Variants in THSD7B observed in about 807,000 individuals in gnomAD.
THSD7B encodes thrombospondin type-1 domain-containing protein 7B.
THSD7B carries 138 observed loss-of-function variants against 213.6 expected under a neutral mutation model. The ratio of observed to expected loss-of-function variants is 0.65; its 90% CI spans 0.56 to 0.74. THSD7B has a LOEUF of 0.74. THSD7B is among the 30% of genes least tolerant of loss of function. The pLI, the probability that THSD7B is intolerant of heterozygous loss-of-function variation, is 0.00. For synonymous variants in THSD7B, 742 were observed against 687.0 expected, an observed-to-expected ratio of 1.08 and a Z score of -1.25; for missense variants, 1,931 against 1,991.5, an observed-to-expected ratio of 0.97 and a Z score of 0.58.
At position 137,263,004 on chromosome 2, in the gene THSD7B, T is replaced by C. The variant is rs1196561325; in HGVS notation, c.2267-9529T>C. 2.0e-5 allele frequency among the ~76,000 whole-genome samples: 3 copies of C among 152,208 alleles called. No homozygotes were observed. In the East Asian group the frequency reaches 5.8e-4, roughly 29 times the overall value. ...AGACTCAAAGTGGGTCACTATTTGATAAGGTTAGCTCTCTCTAAATTGGGG... is the reference window on the plus strand; with the variant it reads ...AGACTCAAAGTGGGTCACTATTTGACAAGGTTAGCTCTCTCTAAATTGGGG... On this transcript the variant is annotated intron_variant, in intron 10 of 27. Transcript: ENST00000409968.
At chr2:137,368,273 A>AC (rs1199221516) in intron 12 of THSD7B, among the ~76,000 whole-genome samples, 1 of 152,038 alleles carries the variant, frequency 6.6e-6, no homozygotes, top group African/African-American at 2.4e-5. Flanking sequence ...ACAAAAAAAA[A>AC]ATTTATAGAA....
rs745791689 is a variant in THSD7B at position 137,655,518 on chromosome 2, A to G, written c.3963A>G (p.Glu1321=). ...ACKLEGGDCG[E]GVQIRSLSCM... ...TCTCATAGGGTGGAGACTGTGGGGAAGGAGTTCAGATCCGCAGCCTTTCCT... is the reference window on the plus strand; with the variant it reads ...TCTCATAGGGTGGAGACTGTGGGGAGGGAGTTCAGATCCGCAGCCTTTCCT... Residue 1321 remains glutamate (E), a synonymous_variant, in exon 22 of 28, where the codon GAA becomes GAG. Coordinates refer to ENST00000409968, the MANE Select transcript of THSD7B (RefSeq NM_001316349.2). The G allele has an allele frequency of 8.1e-6, 13 of 1,611,908 alleles. No homozygotes were observed. Among genetic ancestry groups the G allele is most frequent in the Non-Finnish European group, 1.7e-6 (2 of 1,179,090 alleles).
chr2:137,612,634 A>G (rs1413495202), intron 17 of THSD7B, among the ~76,000 whole-genome samples: 1 of 152,144 alleles, frequency 6.6e-6, no homozygotes, highest in Admixed American at 6.6e-5. Flanking sequence ...ATTGCAAAAA[A>G]TCCTTGTTTA....
At chr2:136,951,184 T>C (rs1172293639) in intron 2 of THSD7B, among the ~76,000 whole-genome samples, 1 of 152,124 alleles carries the variant, frequency 6.6e-6, no homozygotes, top group Non-Finnish European at 1.5e-5. Flanking sequence ...TACCTTGGGA[T>C]GAAGCATGCA....
At chr2:137,666,448 A>C (rs926877556) in intron 26 of THSD7B, among the ~76,000 whole-genome samples, 6 of 152,138 alleles carry the variant, frequency 3.9e-5, no homozygotes, top group African/African-American at 7.2e-5. Flanking sequence ...TCCTATAAGC[A>C]AAAACTATAA....
At chr2:137,004,906 G>C (rs1037821016) in intron 2 of THSD7B, among the ~76,000 whole-genome samples, 1 of 152,038 alleles carries the variant, frequency 6.6e-6, no homozygotes, top group Non-Finnish European at 1.5e-5. Flanking sequence ...ACTATGAAGA[G>C]GTAAACTATT....
chr2:137,451,793 A>T, intron 15 of THSD7B, among the ~76,000 whole-genome samples: 1 of 152,240 alleles, frequency 6.6e-6, no homozygotes, highest in Middle Eastern at 3.4e-3. Context: ...TCAGTTGACT[A>T]GGTTGAGTAC....
intron 2 of THSD7B, among the ~76,000 whole-genome samples, chr2:136,998,802 A>G (rs1288401057): frequency 6.6e-6 from 1 of 152,080 alleles, no homozygotes; most frequent in African/African-American, 2.4e-5. Flanking sequence ...CAAGAGGCAG[A>G]AACATAAGTT....
intron 2 of THSD7B, among the ~76,000 whole-genome samples, chr2:136,885,198 T>G (rs1683696764): frequency 6.6e-6 from 1 of 152,170 alleles, no homozygotes; most frequent in Admixed American, 6.6e-5. Context: ...CTCTGGGTTT[T>G]GATTGCTGTG....
At chr2:137,668,097 C>G (rs1683486186) in intron 27 of THSD7B, among the ~76,000 whole-genome samples, 1 of 151,800 alleles carries the variant, frequency 6.6e-6, no homozygotes, top group African/African-American at 2.4e-5. Flanking sequence ...AGAACTTTTC[C>G]ATTTGCATGT....
At chr2:136,893,244 G>A (rs376047274) in intron 2 of THSD7B, among the ~76,000 whole-genome samples, 1 of 152,128 alleles carries the variant, frequency 6.6e-6, no homozygotes, top group African/African-American at 2.4e-5. Context: ...AGCTTTTTCA[G>A]ATTAAAACTT....
intron 17 of THSD7B, among the ~76,000 whole-genome samples, chr2:137,605,860 G>A (rs1201319233): frequency 2.0e-5 from 3 of 151,638 alleles, no homozygotes; most frequent in Admixed American, 6.6e-5. Context: ...TAGTAGAGAC[G>A]GGGTTTCACC....
At chr2:136,940,653 A>G (rs545661681) in intron 2 of THSD7B, among the ~76,000 whole-genome samples, 1 of 151,058 alleles carries the variant, frequency 6.6e-6, no homozygotes, top group African/African-American at 2.4e-5. Context: ...TGGCCTCCCA[A>G]AGTGCTGGGA....
At chr2:137,464,036 G>A (rs1687938324) in intron 15 of THSD7B, among the ~76,000 whole-genome samples, 1 of 152,014 alleles carries the variant, frequency 6.6e-6, no homozygotes, top group Non-Finnish European at 1.5e-5. Flanking sequence ...GGCTCCTATG[G>A]TTAGGAGGTT....
At chr2:137,468,649 G>T (rs1052314152) in intron 15 of THSD7B, among the ~76,000 whole-genome samples, 9 of 96,980 alleles carry the variant, frequency 9.3e-5, no homozygotes, top group African/African-American at 3.8e-5. Context: ...GGGTGGGGGC[G>T]GTGGGTAGAA....
At chr2:137,218,394 A>G (rs1279582965) in intron 7 of THSD7B, among the ~76,000 whole-genome samples, 1 of 152,088 alleles carries the variant, frequency 6.6e-6, no homozygotes. Flanking sequence ...ATCTCAGCAT[A>G]TATTTTATTT....
intron 10 of THSD7B, among the ~76,000 whole-genome samples, chr2:137,261,915 C>CAAAAAA (rs369579882): frequency 5.5e-5 from 3 of 54,860 alleles, no homozygotes; most frequent in East Asian, 5.8e-4. Flanking sequence ...GAAAGTTTGT[C>CAAAAAA]AAAAAAAAAA....
chr2:136,805,582 C>T (rs575963439), intron 1 of THSD7B, among the ~76,000 whole-genome samples: 15 of 152,158 alleles, frequency 9.9e-5, no homozygotes, highest in South Asian at 8.3e-4. Flanking sequence ...CCATCCAGTT[C>T]GGTTCTCTCT....
At chr2:137,179,571 GA>G (rs35478628) in intron 7 of THSD7B, among the ~76,000 whole-genome samples, 2,059 of 139,860 alleles carry the variant, frequency 0.015, 39 homozygotes, top group African/African-American at 0.045. Flanking sequence ...ATATAGTGGG[GA>G]AAAAAAAAAA....
Sources: allele counts gnomAD v4.1 joint callset (sites outside exome capture counted in the v4.1 genomes callset), GRCh38; gene constraint gnomAD v4.1.1; transcripts MANE v1.5; gene names NCBI Gene and HGNC (gene_info 2026-07-23, HGNC 2026-07-21).